TMEM132C: variants seen among roughly 807,000 people sequenced by gnomAD.
TMEM132C encodes protein phosphatase 1, regulatory subunit 152.
TMEM132C carries 29 observed loss-of-function variants against 61.4 expected under a neutral mutation model. The observed-to-expected ratio is 0.47, with a 90% CI of 0.35 to 0.64. TMEM132C has a LOEUF of 0.64. Ranked by LOEUF, TMEM132C falls within the 30% of genes least tolerant of loss-of-function variation. The pLI, the probability that TMEM132C is intolerant of heterozygous loss-of-function variation, is 0.00. For missense variants in TMEM132C, 1,408 were observed against 1,476.9 expected (o/e 0.95, Z 0.76); for synonymous variants, 656 against 633.1 (o/e 1.04, Z -0.54).
intron 2 of TMEM132C, among the ~76,000 whole-genome samples, chr12:128,478,555 A>AC (rs1439887057): frequency 6.6e-6 from 1 of 152,054 alleles, no homozygotes; most frequent in East Asian, 1.9e-4. Flanking sequence ...GAGTATTTAA[A>AC]CCCTACCCAG....
chr12:128,651,716 G>T lies in TMEM132C; in HGVS notation c.1306-17701G>T, dbSNP rs141642338. Among the ~76,000 whole-genome samples the T allele has an allele frequency of 3.6e-3, 550 of 152,210 alleles. 2 individuals are homozygous for T. The highest frequency in any genetic ancestry group is 0.012 in the African/African-American group (519 of 41,554). On this transcript the variant is annotated intron_variant, in intron 4 of 8. Transcript: ENST00000435159. Reference sequence around the variant, plus strand: ...GGAGACCATAGCAGGGAATGGGAATGGGGGGTGAAGGAAGGTGAGGGTGGA... The same window carrying T: ...GGAGACCATAGCAGGGAATGGGAATTGGGGGTGAAGGAAGGTGAGGGTGGA...
intron 4 of TMEM132C, among the ~76,000 whole-genome samples, chr12:128,620,140 G>C (rs568557232): frequency 6.6e-6 from 1 of 151,068 alleles, no homozygotes; most frequent in Non-Finnish European, 1.5e-5. Context: ...GCTGAGGTGG[G>C]AGGATCGCTT....
At chr12:128,691,873 C>A in intron 5 of TMEM132C, among the ~76,000 whole-genome samples, 1 of 151,770 alleles carries the variant, frequency 6.6e-6, no homozygotes, top group Non-Finnish European at 1.5e-5. Context: ...ACCTGTCCAC[C>A]CATCCATTCA....
chr12:128,559,116 A>AAC (rs913365684), intron 3 of TMEM132C, among the ~76,000 whole-genome samples: 2 of 148,218 alleles, frequency 1.3e-5, no homozygotes, highest in Non-Finnish European at 3.0e-5. Flanking sequence ...CACACACACA[A>AAC]ACACACACAC....
intron 2 of TMEM132C, among the ~76,000 whole-genome samples, chr12:128,488,682 T>C (rs553417056): frequency 3.3e-5 from 5 of 151,604 alleles, no homozygotes; most frequent in African/African-American, 1.2e-4. Flanking sequence ...AGAAAGATAT[T>C]ATAAATATTA....
rs78455972 is a variant in TMEM132C at position 128,381,101 on chromosome 12, C to T, written c.86-33631C>T. On this transcript the variant is annotated intron_variant, in intron 1 of 8. Coordinates refer to ENST00000435159, the MANE Select transcript of TMEM132C (RefSeq NM_001136103.3). ...ACCAAAAACATGAAATTACAAGGAC[C>T]GCAGAAAGGCCACTTGCTTATATGT... Among the ~76,000 whole-genome samples, 19 of 152,246 alleles carry T rather than the reference C, an allele frequency of 1.2e-4. 1 individual carries two copies. Among genetic ancestry groups the T allele is most frequent in the African/African-American group, 3.6e-4 (15 of 41,556 alleles).
intron 2 of TMEM132C, among the ~76,000 whole-genome samples, chr12:128,422,188 C>T (rs1869010937): frequency 6.6e-6 from 1 of 152,168 alleles, no homozygotes; most frequent in African/African-American, 2.4e-5. Context: ...CTCCTGAACC[C>T]CTGGGGATGC....
chr12:128,617,917 C>T (rs1266144989), intron 4 of TMEM132C, among the ~76,000 whole-genome samples: 1 of 152,202 alleles, frequency 6.6e-6, no homozygotes, highest in East Asian at 1.9e-4. Flanking sequence ...CAGGGGTCAA[C>T]AAACAACAAG....
At chr12:128,378,685 G>A (rs1049265581) in intron 1 of TMEM132C, among the ~76,000 whole-genome samples, 1 of 152,154 alleles carries the variant, frequency 6.6e-6, no homozygotes, top group African/African-American at 2.4e-5. Context: ...TCAATTCACA[G>A]TTCACTAGGC....
chr12:128,624,268 G>A (rs1470405783), intron 4 of TMEM132C, among the ~76,000 whole-genome samples: 8 of 152,076 alleles, frequency 5.3e-5, no homozygotes, highest in Admixed American at 3.3e-4. Flanking sequence ...GGAATAGGCC[G>A]AGTGTGGTGG....
At chr12:128,469,570 A>C (rs1870862229) in intron 2 of TMEM132C, among the ~76,000 whole-genome samples, 1 of 151,922 alleles carries the variant, frequency 6.6e-6, no homozygotes, top group Non-Finnish European at 1.5e-5. Context: ...ACCCAGCTTT[A>C]CAGCCATGAG....
chr12:128,491,287 AC>A (rs1352458918), intron 2 of TMEM132C, among the ~76,000 whole-genome samples: 2 of 152,208 alleles, frequency 1.3e-5, no homozygotes, highest in Admixed American at 1.3e-4. Flanking sequence ...TTCTTGAAAT[AC>A]AATAGCGTTG....
chr12:128,447,376 T>C (rs998575133), intron 2 of TMEM132C, among the ~76,000 whole-genome samples: 6 of 152,088 alleles, frequency 3.9e-5, no homozygotes, highest in African/African-American at 1.4e-4. Context: ...TCCCTGAAAA[T>C]AATTTGGTGC....
At chr12:128,420,672 A>G (rs1476609136) in intron 2 of TMEM132C, among the ~76,000 whole-genome samples, 26 of 152,146 alleles carry the variant, frequency 1.7e-4, no homozygotes, top group Non-Finnish European at 1.5e-5. Context: ...CAGAGGTGTA[A>G]GTGAGTGTGC....
chr12:128,447,717 T>TC (rs1346597519), intron 2 of TMEM132C, among the ~76,000 whole-genome samples: 1 of 80,958 alleles, frequency 1.2e-5, no homozygotes, highest in African/African-American at 7.4e-5. Flanking sequence ...TTTTTTTTTT[T>TC]TTTTTTTTTT....
At chr12:128,409,732 C>T (rs566815926) in intron 1 of TMEM132C, among the ~76,000 whole-genome samples, 19 of 152,256 alleles carry the variant, frequency 1.2e-4, no homozygotes, top group Admixed American at 3.3e-4. Context: ...CAATCAGTAT[C>T]GCCACTCGGT....
rs1037539845 is a variant in TMEM132C, at chr12:128,558,797, T to A, written c.1121+14694T>A. Among the ~76,000 whole-genome samples the A allele has an allele frequency of 2.0e-5, 3 of 152,268 alleles. No individual in the cohort carries two copies. The East Asian group carries it at 5.8e-4, about 29-fold the overall frequency. On this transcript the variant is annotated intron_variant, in intron 3 of 8. Coordinates refer to ENST00000435159, the MANE Select transcript of TMEM132C (RefSeq NM_001136103.3). ...GGGCAGTGCCCAGTCAGAGGGCACC[T>A]GGTGATTGACTATTCTTTGCTTTGA... is the stretch of plus-strand genomic sequence containing the variant.
chr12:128,334,893 G>A (rs1872756028), intron 1 of TMEM132C, among the ~76,000 whole-genome samples: 3 of 152,158 alleles, frequency 2.0e-5, no homozygotes, highest in Admixed American at 2.0e-4. Flanking sequence ...ACCATGCCCA[G>A]CCCTTTTTCA....
intron 2 of TMEM132C, among the ~76,000 whole-genome samples, chr12:128,439,977 G>T (rs948279109): frequency 6.6e-6 from 1 of 152,144 alleles, no homozygotes; most frequent in Non-Finnish European, 1.5e-5. Context: ...TGCTTCATAG[G>T]GTATGTTGCA....
Sources: allele counts gnomAD v4.1 joint callset (sites outside exome capture counted in the v4.1 genomes callset), GRCh38; gene constraint gnomAD v4.1.1; transcripts MANE v1.5; gene names NCBI Gene and HGNC (gene_info 2026-07-23, HGNC 2026-07-21).